The following CDH2 variants were observed in gnomAD, a reference collection of about 807,000 sequenced individuals.
CDH2 encodes the protein cadherin-2.
Under a neutral mutation model 92.0 loss-of-function variants are expected in CDH2, and 17 were observed. That is an observed-to-expected ratio of 0.18 (90% CI 0.13 to 0.28). CDH2 has a LOEUF of 0.28. CDH2 is among the 10% of genes least tolerant of loss of function. The probability of loss-of-function intolerance (pLI) is 1.00; values close to 1 mark genes in which losing one functional copy is unlikely to be tolerated. For missense variants in CDH2, 862 were observed against 1,133.1 expected (o/e 0.76, Z 3.44); for synonymous variants, 419 against 415.9 (o/e 1.01, Z -0.09).
At chr18:28,092,557 C>CA (rs1158019069) in intron 2 of CDH2, among the ~76,000 whole-genome samples, 5 of 149,868 alleles carry the variant, frequency 3.3e-5, no homozygotes, top group African/African-American at 1.2e-4. Context: ...AAAAAAAAAA[C>CA]AAAAGGATGA....
At chr18:28,030,610 G>A (rs1030434332) in intron 2 of CDH2, among the ~76,000 whole-genome samples, 1 of 152,058 alleles carries the variant, frequency 6.6e-6, no homozygotes, top group Admixed American at 6.6e-5. Flanking sequence ...AGGACAAGTG[G>A]AAGTTCAGCC....
intron 14 of CDH2, among the ~76,000 whole-genome samples, chr18:27,979,879 T>C (rs1486302056): frequency 6.6e-6 from 1 of 152,176 alleles, no homozygotes; most frequent in East Asian, 1.9e-4. Context: ...GTGTGAGTTG[T>C]AGTTACACTC....
chr18:28,104,014 C>G (rs2015280700), intron 2 of CDH2, among the ~76,000 whole-genome samples: 1 of 152,188 alleles, frequency 6.6e-6, no homozygotes, highest in African/African-American at 2.4e-5. Context: ...CTGGCAAAGT[C>G]TGCCAGCTGT....
intron 1 of CDH2, among the ~76,000 whole-genome samples, chr18:28,174,649 CTT>C (rs571882310): frequency 8.9e-4 from 136 of 152,264 alleles, no homozygotes; most frequent in African/African-American, 2.9e-3. Flanking sequence ...TTTAGAAACA[CTT>C]AAGAAAAAAC....
chr18:28,141,165 C>A (rs1364522268), intron 2 of CDH2, among the ~76,000 whole-genome samples: 1 of 151,724 alleles, frequency 6.6e-6, no homozygotes, highest in Admixed American at 6.6e-5. Flanking sequence ...TCCCTCAATT[C>A]TACTCCCAGG....
chr18:28,030,745 A>G (rs1043003008), intron 2 of CDH2, among the ~76,000 whole-genome samples: 2 of 152,070 alleles, frequency 1.3e-5, no homozygotes, highest in African/African-American at 2.4e-5. Flanking sequence ...AGAATGAAAG[A>G]GAGATGAAAA....
At chr18:28,051,384 A>T (rs671798) in intron 2 of CDH2, among the ~76,000 whole-genome samples, 4,336 of 152,224 alleles carry the variant, frequency 0.028, 178 homozygotes, top group African/African-American at 0.094. Context: ...TTTCAAACTA[A>T]TCCCTGCATA....
chr18:28,017,832 G>T (rs575421952), intron 2 of CDH2, among the ~76,000 whole-genome samples: 1 of 152,198 alleles, frequency 6.6e-6, no homozygotes, highest in East Asian at 1.9e-4. Context: ...AAAGTTGAAA[G>T]CATTCCCCCT....
intron 2 of CDH2, among the ~76,000 whole-genome samples, chr18:28,128,703 C>T (rs1258472299): frequency 1.3e-5 from 2 of 151,476 alleles, no homozygotes; most frequent in Non-Finnish European, 1.5e-5. Flanking sequence ...AAAAAAAAGT[C>T]TGACTATTCA....
Position 27,952,358 on chromosome 18 carries a change from C to T in CDH2, c.2516G>A (p.Gly839Asp). ...GGGGTCATTGTCAGCCGCTTTAAGG[C>T]CCTGCAATTTGGAAACACAAAGAAT... is the stretch of plus-strand genomic sequence containing the variant. ...PGDIGDFINE[G>D]LKAADNDPTA... is the part of the protein sequence containing the mutation. The change falls in exon 16 of 16, where the codon GGC (glycine) becomes GAC (aspartate). Residue 839 changes from glycine to aspartate, a missense_variant and splice_region_variant. Physicochemically the swap from Gly to Asp is moderately conservative, Grantham distance 94. This residue lies in a region of CDH2 where 114 missense variants were observed against 144.8 expected (regional missense o/e 0.79). Transcript: ENST00000269141. 6.2e-7 allele frequency: 1 copy of T among 1,612,774 alleles called. No individual in the cohort carries two copies. Among genetic ancestry groups the T allele is most frequent in the Non-Finnish European group, 8.5e-7 (1 of 1,179,084 alleles).
chr18:28,052,605 C>G (rs1239935061), intron 2 of CDH2, among the ~76,000 whole-genome samples: 1 of 152,018 alleles, frequency 6.6e-6, no homozygotes, highest in Non-Finnish European at 1.5e-5. Context: ...ACGTGCATCA[C>G]AAGTATCAAT....
In CDH2 at chr18:28,119,832, C is replaced by A. The variant is rs563235338; in HGVS notation, c.172+27841G>T. Among the ~76,000 whole-genome samples the A allele has an allele frequency of 2.6e-5, 4 of 152,150 alleles. 1 individual carries two copies. The highest frequency in any genetic ancestry group is 2.6e-4 in the Admixed American group (4 of 15,254). On this transcript the variant is annotated intron_variant, in intron 2 of 15. Transcript: ENST00000269141. ...CATGGGTAAGTGATATGTGTACCTTCCAGGTCATGCGTTTAAAAAGAAGAG... is the reference window on the plus strand; with the variant it reads ...CATGGGTAAGTGATATGTGTACCTTACAGGTCATGCGTTTAAAAAGAAGAG...
chr18:27,983,267 G>A lies in CDH2; in HGVS notation c.2210-184C>T, dbSNP rs17522236. Among the ~76,000 whole-genome samples the A allele has an allele frequency of 0.019, 2,924 of 152,258 alleles. 44 individuals are homozygous for A. The highest frequency in any genetic ancestry group is 0.019 in the African/African-American group (805 of 41,550). Reference sequence around the variant, plus strand: ...ACAAGACAAAGCAAGCTAAAGCACTGGGTTTAGAGTATGAAGGCCTGGGCT... The same window carrying A: ...ACAAGACAAAGCAAGCTAAAGCACTAGGTTTAGAGTATGAAGGCCTGGGCT... On this transcript the variant is annotated intron_variant, in intron 13 of 15. Coordinates refer to ENST00000269141, the MANE Select transcript of CDH2 (RefSeq NM_001792.5).
At chr18:28,036,541 A>G (rs2013834132) in intron 2 of CDH2, 2 of 1,603,144 alleles carry the variant, frequency 1.2e-6, no homozygotes, top group African/African-American at 2.7e-5. Flanking sequence ...ACGCCTTAAT[A>G]AAAACATGCC....
intron 10 of CDH2, among the ~76,000 whole-genome samples, chr18:27,988,978 A>G (rs182234111): frequency 1.3e-5 from 2 of 152,342 alleles, no homozygotes; most frequent in Non-Finnish European, 2.9e-5. Flanking sequence ...TTCAACAGAT[A>G]TCAATGGTTC....
intron 7 of CDH2, 40 bp downstream of exon 7, chr18:28,002,957 G>A (rs1216206776): frequency 6.4e-7 from 1 of 1,574,456 alleles, no homozygotes; most frequent in Admixed American, 1.7e-5. Context: ...GCACCTTTAA[G>A]ATTAAAAACA....
rs570970153 is a variant in CDH2 at position 28,056,414 on chromosome 18, T to C, written c.173-42505A>G. 5.9e-5 allele frequency among the ~76,000 whole-genome samples: 9 copies of C among 152,324 alleles called. No homozygotes were observed. The East Asian group carries it at 1.5e-3, about 26-fold the overall frequency. On this transcript the variant is annotated intron_variant, in intron 2 of 15. Transcript: ENST00000269141. ...AAAAGGCTTTTATCTTTTAGGTAAT[T>C]GGCCTAGGAAACAAAGATTCTATGT...
chr18:28,032,714 C>T (rs1487233933), intron 2 of CDH2, among the ~76,000 whole-genome samples: 3 of 151,988 alleles, frequency 2.0e-5, no homozygotes, highest in South Asian at 2.1e-4. Flanking sequence ...AGTAGCAAAA[C>T]AAAAGGTCAC....
intron 2 of CDH2, among the ~76,000 whole-genome samples, chr18:28,075,666 T>C (rs1251781624): frequency 6.6e-6 from 1 of 152,184 alleles, no homozygotes; most frequent in Non-Finnish European, 1.5e-5. Context: ...TGCTGCTCCC[T>C]GGCACTAGCA....
Sources: gnomAD v4.1 joint callset for allele counts (sites outside exome capture counted in the v4.1 genomes callset) on GRCh38, gnomAD v4.1.1 for gene constraint, gnomAD v4.1.1 regional missense constraint, MANE v1.5 for transcripts, NCBI Gene and HGNC (gene_info 2026-07-23, HGNC 2026-07-21) for gene names.